The following UBXN7 variants were observed in gnomAD, a reference collection of about 807,000 sequenced individuals.
UBXN7 encodes the protein UBX domain-containing protein 7.
A neutral mutation model predicts 58.0 loss-of-function variants in UBXN7; 9 were observed. The observed-to-expected ratio is 0.16, with a 90% CI of 0.09 to 0.27. The LOEUF (loss-of-function observed/expected upper bound fraction) is 0.27. Among genes scored for constraint, UBXN7 ranks in the 10% least tolerant of loss-of-function variants. The probability of loss-of-function intolerance (pLI) is 1.00; values close to 1 mark genes in which losing one functional copy is unlikely to be tolerated. For missense variants in UBXN7, 328 were observed against 599.6 expected, an observed-to-expected ratio of 0.55 and a Z score of 4.73; for synonymous variants, 208 against 205.0, an observed-to-expected ratio of 1.01 and a Z score of -0.12.
At chr3:196,365,281 G>A (rs1276690050) in intron 8 of UBXN7, among the ~76,000 whole-genome samples, 2 of 144,078 alleles carry the variant, frequency 1.4e-5, no homozygotes, top group Non-Finnish European at 3.0e-5. Flanking sequence ...ATACATCCAG[G>A]AAAAGAAAAT....
chr3:196,358,045 A>G (rs1411397719), intron 10 of UBXN7, among the ~76,000 whole-genome samples: 1 of 152,082 alleles, frequency 6.6e-6, no homozygotes, highest in East Asian at 1.9e-4. Context: ...CAAGAAAAGG[A>G]AGAAAAAAAC....
At position 196,391,887 on chromosome 3, in the gene UBXN7, C is replaced by T. The variant is rs1245841464; in HGVS notation, c.394G>A (p.Asp132Asn). The change falls in exon 5 of 11, where the codon GAT (aspartate) becomes AAT (asparagine). Residue 132 changes from aspartate (D) to asparagine (N), a missense_variant. Asp to Asn is a conservative substitution (Grantham distance 23, BLOSUM62 1). This residue lies in a region of UBXN7 where 126 missense variants were observed against 302.6 expected (regional missense o/e 0.42). Transcript: ENST00000296328. ...EQELRNGGAI[D>N]KKLTTLADLF... is the part of the protein sequence containing the mutation. ...TCTGCAAGGGTAGTTAATTTCTTAT[C>T]GATAGCTCCTCCATTTCTTAATTCT... 3.1e-6 allele frequency: 5 copies of T among 1,609,142 alleles called. No individual in the cohort carries two copies. The highest frequency in any genetic ancestry group is 4.2e-6 in the Non-Finnish European group (5 of 1,177,994).
intron 1 of UBXN7, among the ~76,000 whole-genome samples, chr3:196,415,553 G>A (rs1730456325): frequency 6.7e-6 from 1 of 148,444 alleles, no homozygotes; most frequent in Admixed American, 6.7e-5. Flanking sequence ...GAGACAGGTG[G>A]TCACGAGGTC....
chr3:196,404,348 C>T (rs1429699782), intron 2 of UBXN7, among the ~76,000 whole-genome samples: 4 of 150,918 alleles, frequency 2.7e-5, no homozygotes, highest in East Asian at 1.9e-4. Context: ...CTGCAAGCTC[C>T]GCCTCCCAGG....
intron 3 of UBXN7, among the ~76,000 whole-genome samples, chr3:196,401,298 T>TATATATATACACAC (rs1269101481): frequency 1.6e-5 from 1 of 61,692 alleles, no homozygotes; most frequent in Non-Finnish European, 2.7e-5. Flanking sequence ...TATATATATA[T>TATATATATACACAC]ACACACACAC....
At chr3:196,384,546 C>T (rs1729314809) in intron 5 of UBXN7, among the ~76,000 whole-genome samples, 1 of 152,124 alleles carries the variant, frequency 6.6e-6, no homozygotes, top group Non-Finnish European at 1.5e-5. Flanking sequence ...ATGCGAAAAT[C>T]CTCAATAAAA....
intron 1 of UBXN7, among the ~76,000 whole-genome samples, chr3:196,408,696 G>A (rs1730236873): frequency 6.6e-6 from 1 of 152,094 alleles, no homozygotes; most frequent in Non-Finnish European, 1.5e-5. Flanking sequence ...CCATTTCAAA[G>A]CTGACAGCTA....
At chr3:196,416,760 AGAGTT>A (rs1254039651) in intron 1 of UBXN7, among the ~76,000 whole-genome samples, 54 of 152,348 alleles carry the variant, frequency 3.5e-4, no homozygotes, top group African/African-American at 1.3e-3. Flanking sequence ...AAGACTTACT[AGAGTT>A]AAGGATGTAT....
chr3:196,363,015 C>G (rs528891811), intron 8 of UBXN7, among the ~76,000 whole-genome samples: 80 of 152,170 alleles, frequency 5.3e-4, no homozygotes, highest in African/African-American at 1.9e-3. Flanking sequence ...AGCGATTCTC[C>G]TGCCTCAGCC....
intron 1 of UBXN7, among the ~76,000 whole-genome samples, chr3:196,419,327 A>C (rs555314589): frequency 1.1e-3 from 165 of 152,122 alleles, no homozygotes; most frequent in African/African-American, 3.9e-3. Context: ...TAAATAAACA[A>C]TGTGACAGGA....
intron 2 of UBXN7, among the ~76,000 whole-genome samples, chr3:196,404,514 G>A (rs980947733): frequency 1.3e-5 from 2 of 151,756 alleles, no homozygotes; most frequent in Non-Finnish European, 2.9e-5. Context: ...CGCCCACCTC[G>A]GCCTCCCAAA....
chr3:196,423,295 A>G (rs1180259681), intron 1 of UBXN7: 3 of 154,306 alleles, frequency 1.9e-5, no homozygotes, highest in African/African-American at 7.2e-5. Flanking sequence ...GCCAGCAAAC[A>G]TTTACTGAGT....
At chr3:196,431,628 G>A in intron 1 of UBXN7, 1 of 178,158 alleles carries the variant, frequency 5.6e-6, no homozygotes, top group Non-Finnish European at 1.3e-5. Flanking sequence ...TGGGGAGGTG[G>A]GAAACGCCAC....
At chr3:196,366,463 T>G (rs976196498) in intron 8 of UBXN7, among the ~76,000 whole-genome samples, 9 of 151,826 alleles carry the variant, frequency 5.9e-5, no homozygotes, top group African/African-American at 2.2e-4. Flanking sequence ...CTAGCAAGTT[T>G]TTTTTTTTTT....
chr3:196,400,505 GGGCCAAGGCCAA>G (rs1033753994), intron 3 of UBXN7: 10 of 157,192 alleles, frequency 6.4e-5, no homozygotes, highest in East Asian at 3.8e-4. Context: ...ACTCCAATAT[GGGCCAAGGCCAA>G]GGCCAAGGCA....
At chr3:196,432,226 A>G (rs765927174) in intron 1 of UBXN7, 101 bp downstream of exon 1, 1 of 1,503,636 alleles carries the variant, frequency 6.7e-7, no homozygotes, top group Non-Finnish European at 9.1e-7. Flanking sequence ...GCTGTGGGTA[A>G]AGCCCGAAGG....
intron 1 of UBXN7, among the ~76,000 whole-genome samples, chr3:196,429,909 A>G (rs1053370407): frequency 2.6e-5 from 4 of 152,216 alleles, no homozygotes; most frequent in Admixed American, 2.6e-4. Context: ...CAGAAACAGA[A>G]TTAAAGCAAT....
At chr3:196,417,386 T>C (rs1248269128) in intron 1 of UBXN7, among the ~76,000 whole-genome samples, 2 of 152,066 alleles carry the variant, frequency 1.3e-5, no homozygotes, top group Non-Finnish European at 2.9e-5. Context: ...TTATGCCCAG[T>C]AACAAAGAGA....
intron 2 of UBXN7, among the ~76,000 whole-genome samples, chr3:196,407,042 C>T (rs1048992675): frequency 1.3e-5 from 2 of 152,240 alleles, no homozygotes; most frequent in East Asian, 1.9e-4. Context: ...AGAGCCTACA[C>T]GGTTCCTTTG....
Sources: allele counts gnomAD v4.1 joint callset (sites outside exome capture counted in the v4.1 genomes callset), GRCh38; gene constraint gnomAD v4.1.1; regional missense constraint gnomAD v4.1.1; transcripts MANE v1.5; gene names NCBI Gene and HGNC (gene_info 2026-07-23, HGNC 2026-07-21).